Variants in THADA observed in about 807,000 individuals in gnomAD.
The protein encoded by THADA is THADA armadillo repeat containing, also known as tRNA (32-2'-O)-methyltransferase regulator THADA.
A neutral mutation model predicts 219.8 loss-of-function variants in THADA; 213 were observed. The ratio of observed to expected loss-of-function variants is 0.97; its 90% CI spans 0.87 to 1.09. THADA has a LOEUF of 1.09. Ranked by LOEUF, THADA falls within the 50% of genes least tolerant of loss-of-function variation. THADA has a pLI of 0.00. For synonymous variants in THADA, 1,018 were observed against 828.9 expected, an observed-to-expected ratio of 1.23 and a Z score of -3.92; for missense variants, 2,956 against 2,311.3, an observed-to-expected ratio of 1.28 and a Z score of -5.72.
chr2:43,320,585 T>A (rs1678591495), intron 30 of THADA, 45 bp from the exon 31 acceptor site: 1 of 1,481,116 alleles, frequency 6.8e-7, no homozygotes, highest in Non-Finnish European at 9.3e-7. Flanking sequence ...TTTCTCTCCC[T>A]TAGGTCTGGG....
At chr2:43,507,352 C>T (rs1689806124) in intron 23 of THADA, among the ~76,000 whole-genome samples, 1 of 152,152 alleles carries the variant, frequency 6.6e-6, no homozygotes, top group Non-Finnish European at 1.5e-5. Flanking sequence ...GGCACCAGAG[C>T]TGAAAGAAGC....
chr2:43,286,241 T>C (rs1167904579), intron 35 of THADA, among the ~76,000 whole-genome samples: 3 of 152,104 alleles, frequency 2.0e-5, no homozygotes, highest in African/African-American at 7.2e-5. Flanking sequence ...TGGTGGATGA[T>C]AAGGCAGGAG....
chr2:43,478,915 G>C (rs1033004727), intron 26 of THADA, among the ~76,000 whole-genome samples: 11 of 152,140 alleles, frequency 7.2e-5, no homozygotes, highest in Admixed American at 7.2e-4. Flanking sequence ...TGTCAGTACA[G>C]ACTTAATTCT....
Position 43,279,903 on chromosome 2 carries a change from A to T in THADA, c.5165-7T>A, listed in dbSNP as rs1468662984. 4.0e-6 allele frequency: 6 copies of T among 1,512,994 alleles called. No individual in the cohort carries two copies. Among genetic ancestry groups the T allele is most frequent in the Non-Finnish European group, 5.3e-6 (6 of 1,136,774 alleles). 93.7% of individuals were successfully genotyped at this position (1,512,994 alleles called of 1,614,324 possible). On this transcript the variant is annotated splice_polypyrimidine_tract_variant and splice_region_variant and intron_variant, in intron 35 of 37. Transcript: ENST00000405975. ...GCAAGTGTATCCTGCAACTCTAAGA[A>T]GACCAAAAGGAATCTGAATTACCTA...
At chr2:43,450,462 A>AT (rs1212256958) in intron 26 of THADA, among the ~76,000 whole-genome samples, 1 of 152,148 alleles carries the variant, frequency 6.6e-6, no homozygotes, top group Non-Finnish European at 1.5e-5. Flanking sequence ...TATTAAATTG[A>AT]AACCCATGGC....
chr2:43,450,764 A>G (rs1682211677), intron 26 of THADA, among the ~76,000 whole-genome samples: 1 of 152,242 alleles, frequency 6.6e-6, no homozygotes. Flanking sequence ...ACACAAATAG[A>G]TTAAAAGTAA....
chr2:43,496,308 C>T (rs184899879), intron 25 of THADA, among the ~76,000 whole-genome samples: 183 of 152,234 alleles, frequency 1.2e-3, no homozygotes, highest in Non-Finnish European at 1.9e-3. Context: ...AGAAAACACA[C>T]GAAAAATTAC....
At chr2:43,418,949 G>C (rs1023363517) in intron 28 of THADA, among the ~76,000 whole-genome samples, 1 of 152,196 alleles carries the variant, frequency 6.6e-6, no homozygotes, top group Non-Finnish European at 1.5e-5. Context: ...GTGCAGTTTA[G>C]TGAGGCAGTG....
intron 23 of THADA, among the ~76,000 whole-genome samples, chr2:43,507,025 C>T (rs1049661591): frequency 1.3e-5 from 2 of 152,112 alleles, no homozygotes; most frequent in Non-Finnish European, 2.9e-5. Flanking sequence ...TCTGTCTACA[C>T]AAAAGGTAAA....
intron 16 of THADA, among the ~76,000 whole-genome samples, chr2:43,557,879 T>C (rs111685069): frequency 4.0e-4 from 61 of 152,374 alleles, no homozygotes; most frequent in African/African-American, 1.4e-3. Context: ...TCAAATGTGC[T>C]GATTTAAATA....
At chr2:43,403,492 G>A (rs1165843910) in intron 28 of THADA, among the ~76,000 whole-genome samples, 2 of 152,092 alleles carry the variant, frequency 1.3e-5, no homozygotes, top group African/African-American at 4.8e-5. Context: ...GAACTTTAAG[G>A]CTCAGTAGCA....
At chr2:43,359,487 C>A (rs768277745) in intron 29 of THADA, among the ~76,000 whole-genome samples, 2 of 152,176 alleles carry the variant, frequency 1.3e-5, no homozygotes, top group Non-Finnish European at 1.5e-5. Flanking sequence ...TGAGACCAGC[C>A]TGGTCAACAT....
Position 43,592,359 on chromosome 2 carries a change from CA to C in THADA, c.33del (p.Ala12LeufsTer3). 6.2e-7 allele frequency: 1 copy of C among 1,608,406 alleles called. No individual in the cohort carries two copies. MGVKKKKEMQ[V>X]AALTICHQDL... is the part of the protein sequence containing the mutation. Reference sequence around the variant, plus strand: ...TCCTGATGGCAAATGGTCAGCGCAGCAACTTGCATTTCTTTCTTCTTCTTTA... The same window carrying C: ...TCCTGATGGCAAATGGTCAGCGCAGCACTTGCATTTCTTTCTTCTTCTTTA... On this transcript the variant is annotated frameshift_variant, in exon 2 of 38. Transcript: ENST00000405975. LOFTEE classifies it high-confidence loss of function.
intron 26 of THADA, among the ~76,000 whole-genome samples, chr2:43,474,600 A>G (rs1685291577): frequency 6.6e-6 from 1 of 152,196 alleles, no homozygotes; most frequent in South Asian, 2.1e-4. Context: ...TCTAAACAGG[A>G]CACTAATCAT....
intron 14 of THADA, among the ~76,000 whole-genome samples, chr2:43,569,835 G>C (rs1295234670): frequency 3.3e-5 from 5 of 152,158 alleles, no homozygotes; most frequent in African/African-American, 1.2e-4. Context: ...AGAAATTCAA[G>C]ATTGTCAAGC....
rs1342866583 is a variant in THADA, at chr2:43,574,672, T to A, written c.1393A>T (p.Ile465Leu). The change falls in exon 11 of 38, where the codon ATA (isoleucine) becomes TTA (leucine). Residue 465 changes from isoleucine to leucine, a missense_variant. Transcript: ENST00000405975. ...YTCLGCLVEC[I>L]GVEHILAIDK... ...ATAGCCAAAATATGTTCAACTCCTA[T>A]GCACTCTACCAAACAACCAAGGCAC... 9 of 1,613,922 alleles carry A rather than the reference T, an allele frequency of 5.6e-6. No homozygotes were observed. The highest frequency in any genetic ancestry group is 5.3e-5 in the African/African-American group (4 of 74,940).
At chr2:43,439,030 G>A (rs904139542) in intron 26 of THADA, among the ~76,000 whole-genome samples, 3 of 152,116 alleles carry the variant, frequency 2.0e-5, no homozygotes, top group Non-Finnish European at 2.9e-5. Context: ...AGTGAATGAC[G>A]TAGCATTTAA....
intron 26 of THADA, among the ~76,000 whole-genome samples, chr2:43,452,938 T>A (rs544748195): frequency 6.6e-6 from 1 of 152,118 alleles, no homozygotes; most frequent in African/African-American, 2.4e-5. Context: ...CAAAAAAACA[T>A]CTAACTCCCG....
chr2:43,393,414 T>C (rs1466099208), intron 29 of THADA, among the ~76,000 whole-genome samples: 2 of 152,116 alleles, frequency 1.3e-5, no homozygotes, highest in Admixed American at 1.3e-4. Flanking sequence ...TAGAGTTTAA[T>C]ATGTTATCTC....
Sources: allele counts gnomAD v4.1 joint callset (sites outside exome capture counted in the v4.1 genomes callset), GRCh38; gene constraint gnomAD v4.1.1; transcripts MANE v1.5; gene names NCBI Gene and HGNC (gene_info 2026-07-23, HGNC 2026-07-21).